Variants in MARCHF1 observed in about 807,000 individuals in gnomAD.
MARCHF1 encodes membrane associated ring-CH-type finger 1, also known as E3 ubiquitin-protein ligase MARCHF1.
Under a neutral mutation model 54.2 loss-of-function variants are expected in MARCHF1, and 40 were observed. The observed-to-expected ratio is 0.74, with a 90% CI of 0.57 to 0.96. The LOEUF (loss-of-function observed/expected upper bound fraction) is 0.96. Ranked by LOEUF, MARCHF1 falls within the 40% of genes least tolerant of loss-of-function variation. The probability of loss-of-function intolerance (pLI) is 0.00; values close to 1 mark genes in which losing one functional copy is unlikely to be tolerated. For synonymous variants in MARCHF1, 236 were observed against 236.3 expected (o/e 1.00, Z 0.01); for missense variants, 586 against 656.5 (o/e 0.89, Z 1.17).
chr4:164,344,923 C>T (rs1047746849), intron 1 of MARCHF1, among the ~76,000 whole-genome samples: 10 of 152,164 alleles, frequency 6.6e-5, no homozygotes, highest in African/African-American at 2.2e-4. Context: ...AAAATCAATT[C>T]ATTCATAGGC....
At chr4:163,793,585 G>T (rs778387508) in intron 4 of MARCHF1, among the ~76,000 whole-genome samples, 1 of 152,040 alleles carries the variant, frequency 6.6e-6, no homozygotes, top group Non-Finnish European at 1.5e-5. Flanking sequence ...CCCAATTTCT[G>T]CCTCCAAAGA....
intron 1 of MARCHF1, among the ~76,000 whole-genome samples, chr4:164,224,971 A>G (rs1484657170): frequency 6.6e-6 from 1 of 152,040 alleles, no homozygotes; most frequent in Non-Finnish European, 1.5e-5. Flanking sequence ...CAAAACAAAT[A>G]GACAGACATG....
chr4:163,842,232 A>G (rs1232882733), intron 4 of MARCHF1, among the ~76,000 whole-genome samples: 2 of 152,098 alleles, frequency 1.3e-5, no homozygotes, highest in African/African-American at 4.8e-5. Flanking sequence ...GTATCTACCT[A>G]TCTATCCAAT....
intron 1 of MARCHF1, among the ~76,000 whole-genome samples, chr4:164,191,680 A>T (rs746810237): frequency 1.3e-5 from 2 of 152,160 alleles, no homozygotes; most frequent in Non-Finnish European, 2.9e-5. Context: ...TTTTATAAGT[A>T]ATATGTTAAA....
chr4:163,994,733 GCACACATACACACACACACA>G (rs1392019544), intron 2 of MARCHF1, among the ~76,000 whole-genome samples: 59 of 94,404 alleles, frequency 6.2e-4, no homozygotes, highest in African/African-American at 2.2e-3. Context: ...TCCTAATCAA[GCACACATACACACACACACA>G]CACACACACA....
chr4:164,132,767 A>G (rs999634628), intron 1 of MARCHF1, among the ~76,000 whole-genome samples: 28 of 152,144 alleles, frequency 1.8e-4, no homozygotes, highest in African/African-American at 4.8e-5. Flanking sequence ...TGCATCTTGC[A>G]TAAGTATTTT....
At position 163,701,146 on chromosome 4, in the gene MARCHF1, T is replaced by G. The variant is rs980521027; in HGVS notation, c.112-283A>C. Among the ~76,000 whole-genome samples, 22 of 152,248 alleles carry G rather than the reference T, an allele frequency of 1.4e-4. No homozygotes were observed. In the South Asian group the frequency reaches 2.3e-3, roughly 16 times the overall value. The stretch of plus-strand genomic sequence containing the variant: ...GGAAATAATTATTTCTCCAGAAAAA[T>G]TTTTGAAATTCTTCGGCACTAAAAT... On this transcript the variant is annotated intron_variant, in intron 4 of 9. Coordinates refer to ENST00000514618, the MANE Select transcript of MARCHF1 (RefSeq NM_001394959.1).
At chr4:164,258,626 A>G (rs1279488346) in intron 1 of MARCHF1, among the ~76,000 whole-genome samples, 1 of 152,132 alleles carries the variant, frequency 6.6e-6, no homozygotes, top group Non-Finnish European at 1.5e-5. Context: ...CACAATATCA[A>G]ATAAATGTAC....
chr4:163,749,273 C>G (rs1230025755), intron 4 of MARCHF1, among the ~76,000 whole-genome samples: 4 of 151,510 alleles, frequency 2.6e-5, no homozygotes, highest in African/African-American at 9.7e-5. Flanking sequence ...TCTAAATTCA[C>G]TTACTGTTTC....
At chr4:163,737,160 C>CTTTTTTT (rs201243891) in intron 4 of MARCHF1, among the ~76,000 whole-genome samples, 6 of 40,988 alleles carry the variant, frequency 1.5e-4, no homozygotes, top group African/African-American at 6.2e-4. Flanking sequence ...CAGCTTTTTT[C>CTTTTTTT]TTTCTTTTTT....
intron 4 of MARCHF1, among the ~76,000 whole-genome samples, chr4:163,812,363 T>C (rs1748415327): frequency 6.6e-6 from 1 of 151,992 alleles, no homozygotes; most frequent in Non-Finnish European, 1.5e-5. Context: ...ATATACATAT[T>C]GATTCTATTT....
intron 1 of MARCHF1, among the ~76,000 whole-genome samples, chr4:164,312,165 G>GA (rs1734865457): frequency 6.6e-6 from 1 of 151,988 alleles, no homozygotes; most frequent in Non-Finnish European, 1.5e-5. Flanking sequence ...CAATCCTCCA[G>GA]AAACAGCAAA....
At position 164,325,333 on chromosome 4, in the gene MARCHF1, T is replaced by TTATATATATATATATATATATATA. The variant is rs58385154; in HGVS notation, c.-323+58536_-323+58537insTATATATATATATATATATATATA. 2.3e-3 allele frequency among the ~76,000 whole-genome samples: 316 copies of TTATATATATATATATATATATATA among 138,324 alleles called. 3 individuals are homozygous for TTATATATATATATATATATATATA. Among genetic ancestry groups the TTATATATATATATATATATATATA allele is most frequent in the Middle Eastern group, 0.011 (3 of 262 alleles). The allele number at this position is 138,324 out of a possible 152,430, so 90.7% of individuals were successfully genotyped here. A position where few individuals can be genotyped will look rare whatever the true frequency, so the allele number is the denominator to read the frequency against. ...GGACCAGTGAGTTGGTAGACAGAAA[T>TTATATATATATATATATATATATA]TATATATATATATATATATATATTT... On this transcript the variant is annotated intron_variant, in intron 1 of 9. Transcript: ENST00000514618.
chr4:163,726,155 AT>A (rs1468995042), intron 4 of MARCHF1, among the ~76,000 whole-genome samples: 1 of 152,156 alleles, frequency 6.6e-6, no homozygotes, highest in Non-Finnish European at 1.5e-5. Context: ...TCTGGAGTTC[AT>A]TTGTGGTGTT....
chr4:164,079,126 C>T (rs1755041664), intron 2 of MARCHF1, among the ~76,000 whole-genome samples: 1 of 152,078 alleles, frequency 6.6e-6, no homozygotes, highest in Non-Finnish European at 1.5e-5. Context: ...ATTTTTTCCT[C>T]TGTGTTCCTA....
intron 1 of MARCHF1, among the ~76,000 whole-genome samples, chr4:164,369,513 C>A (rs1430738058): frequency 6.6e-6 from 1 of 151,968 alleles, no homozygotes; most frequent in East Asian, 1.9e-4. Flanking sequence ...TAATAACTGC[C>A]AACTGCATGC....
At chr4:163,750,433 C>T (rs1746487043) in intron 4 of MARCHF1, among the ~76,000 whole-genome samples, 1 of 151,704 alleles carries the variant, frequency 6.6e-6, no homozygotes, top group Admixed American at 6.6e-5. Flanking sequence ...ATCGCTTGAA[C>T]CCAGGAGGCG....
At chr4:164,275,516 A>G (rs932952302) in intron 1 of MARCHF1, among the ~76,000 whole-genome samples, 7 of 152,238 alleles carry the variant, frequency 4.6e-5, no homozygotes, top group Non-Finnish European at 8.8e-5. Flanking sequence ...GATTGTTCTA[A>G]ACAACGTTTG....
chr4:163,742,380 C>T (rs1367871263), intron 4 of MARCHF1, among the ~76,000 whole-genome samples: 1 of 109,578 alleles, frequency 9.1e-6, no homozygotes, highest in African/African-American at 3.6e-5. Context: ...CCCTCCCTCG[C>T]TACCTCCTTC....
Sources: allele counts gnomAD v4.1 joint callset (sites outside exome capture counted in the v4.1 genomes callset), GRCh38; gene constraint gnomAD v4.1.1; transcripts MANE v1.5; gene names NCBI Gene and HGNC (gene_info 2026-07-23, HGNC 2026-07-21).